The following APOO variants were observed in gnomAD, a reference collection of about 807,000 sequenced individuals.
APOO encodes MICOS complex subunit MIC26.
In APOO, 11 loss-of-function variants were observed where a neutral mutation model predicts 23.1. That is an observed-to-expected ratio of 0.48 (90% CI 0.30 to 0.79). The LOEUF (loss-of-function observed/expected upper bound fraction) is 0.79. APOO is among the 30% of genes least tolerant of loss of function. APOO has a pLI of 0.07. For synonymous variants in APOO, 59 were observed against 54.8 expected (o/e 1.08, Z -0.34); for missense variants, 160 against 142.7 (o/e 1.12, Z -0.62).
At position 23,907,758 on chromosome X, in the gene APOO, T is replaced by C. The variant is rs770394482; in HGVS notation, c.-56A>G. The C allele has an allele frequency of 3.3e-5, 38 of 1,135,297 alleles. No homozygotes were observed. The highest frequency in any genetic ancestry group is 4.3e-5 in the Non-Finnish European group (37 of 856,476). The allele number at this position is 1,135,297 out of a possible 1,213,427, so 93.6% of individuals were successfully genotyped here. A position where few individuals can be genotyped will look rare whatever the true frequency, so the allele number is the denominator to read the frequency against. ...ACCCCGGCCTCGGCCACGCCCACTA[T>C]AGAGAGGTGACTACGGAGGCCCGGT... On this transcript the variant is annotated 5_prime_UTR_variant, in exon 1 of 9. Transcript: ENST00000379226.
intron 4 of APOO, among the ~76,000 whole-genome samples, chrX:23,869,948 T>A (rs1252291858): frequency 9.6e-6 from 1 of 104,086 alleles, no homozygotes; most frequent in Non-Finnish European, 2.0e-5. Context: ...CGAGACTCCT[T>A]CTCAAAAAAA....
intron 7 of APOO, among the ~76,000 whole-genome samples, chrX:23,851,123 T>C (rs1924514620): frequency 1.8e-5 from 2 of 110,885 alleles, no homozygotes; most frequent in Non-Finnish European, 3.8e-5. Context: ...GAAATAAAAT[T>C]CCAGATAATG....
chrX:23,864,626 C>T (rs1027865619), intron 5 of APOO, among the ~76,000 whole-genome samples: 13 of 111,967 alleles, frequency 1.2e-4, no homozygotes, highest in African/African-American at 1.6e-4. Context: ...AATCCTTAAA[C>T]GGTTCTAATC....
chrX:23,836,143 T>G (rs1923654118), intron 8 of APOO, among the ~76,000 whole-genome samples: 1 of 112,173 alleles, frequency 8.9e-6, no homozygotes, highest in African/African-American at 3.2e-5. Flanking sequence ...ATTTCTTTCT[T>G]TCTTTGAGAC....
chrX:23,877,140 A>C (rs763804831), intron 3 of APOO, among the ~76,000 whole-genome samples: 26 of 109,432 alleles, frequency 2.4e-4, no homozygotes, highest in East Asian at 2.2e-3. Flanking sequence ...AAAAAACCAA[A>C]CAAACAAACA....
At position 23,863,331 on chromosome X, in the gene APOO, G is replaced by A. The variant is rs891667924; in HGVS notation, c.389-4598C>T. On this transcript the variant is annotated intron_variant, in intron 5 of 8. Coordinates refer to ENST00000379226, the MANE Select transcript of APOO (RefSeq NM_024122.5). ...AGCCTGGGTGACAGAGTGAGACTCC[G>A]TCTCAAAAAAAAAGAAAAGACTTCT... 1.9e-4 allele frequency among the ~76,000 whole-genome samples: 21 copies of A among 110,828 alleles called. No individual in the cohort carries two copies. In the South Asian group the frequency reaches 2.2e-3, roughly 12 times the overall value.
chrX:23,906,605 A>G (rs1409783914), intron 1 of APOO, among the ~76,000 whole-genome samples: 1 of 113,020 alleles, frequency 8.8e-6, no homozygotes, highest in Admixed American at 9.4e-5. Context: ...TAACACACAA[A>G]TTTATCAAAT....
chrX:23,852,217 C>T (rs1924570732), intron 7 of APOO, among the ~76,000 whole-genome samples: 1 of 111,264 alleles, frequency 9.0e-6, no homozygotes, highest in Non-Finnish European at 1.9e-5. Context: ...AGCCACCACA[C>T]CTGGCCAGCA....
chrX:23,892,346 T>G (rs1926699370), intron 1 of APOO, among the ~76,000 whole-genome samples: 1 of 108,272 alleles, frequency 9.2e-6, no homozygotes, highest in Non-Finnish European at 1.9e-5. Flanking sequence ...CCGCCGTCTC[T>G]CGGATTCAAG....
At chrX:23,839,380 C>G (rs187783786) in intron 8 of APOO, among the ~76,000 whole-genome samples, 136 of 111,547 alleles carry the variant, frequency 1.2e-3, no homozygotes, top group African/African-American at 4.1e-3. Flanking sequence ...TCAGGGGAGT[C>G]TGCTTGAGGC....
At chrX:23,872,919 C>T (rs141446719) in intron 4 of APOO, among the ~76,000 whole-genome samples, 4 of 109,401 alleles carry the variant, frequency 3.7e-5, no homozygotes, top group South Asian at 3.9e-4. Flanking sequence ...GGTGTGGTGG[C>T]GTGTGCCTGC....
chrX:23,887,913 G>A (rs761882526), intron 1 of APOO, among the ~76,000 whole-genome samples: 1 of 111,622 alleles, frequency 9.0e-6, no homozygotes, highest in South Asian at 3.7e-4. Context: ...CTCAAAGTAA[G>A]GACTCTAATG....
intron 8 of APOO, among the ~76,000 whole-genome samples, chrX:23,834,289 G>A (rs868581879): frequency 1.7e-4 from 18 of 106,109 alleles, no homozygotes; most frequent in African/African-American, 4.5e-4. Flanking sequence ...CCAGCTAATC[G>A]GGAGGCTGAG....
At chrX:23,854,326 A>G (rs901063883) in intron 7 of APOO, among the ~76,000 whole-genome samples, 1 of 111,862 alleles carries the variant, frequency 8.9e-6, no homozygotes, top group East Asian at 2.8e-4. Flanking sequence ...CAGACACCAC[A>G]GTGAGCACTC....
At chrX:23,841,070 A>C (rs1429856477) in intron 7 of APOO, among the ~76,000 whole-genome samples, 1 of 112,150 alleles carries the variant, frequency 8.9e-6, no homozygotes, top group Non-Finnish European at 1.9e-5. Flanking sequence ...ATAGTCAGAG[A>C]TCAGATGGCA....
chrX:23,907,805 G>T lies in APOO; in HGVS notation c.-103C>A, dbSNP rs1927442446. ...CGGTAGGGCCTTGATTTCTCCAACC[G>T]CAAGCAGGCAGCGGTGCGGGTGACG... On this transcript the variant is annotated 5_prime_UTR_variant, in exon 1 of 9. Coordinates refer to ENST00000379226, the MANE Select transcript of APOO (RefSeq NM_024122.5). 1 of 963,706 alleles carries T rather than the reference G, an allele frequency of 1.0e-6. No homozygotes were observed. The highest frequency in any genetic ancestry group is 1.4e-6 in the Non-Finnish European group (1 of 717,953). 79.4% of individuals were successfully genotyped at this position (963,706 alleles called of 1,213,427 possible). A position where few individuals can be genotyped will look rare whatever the true frequency, so the allele number is the denominator to read the frequency against.
At chrX:23,903,694 C>T (rs777846115) in intron 1 of APOO, among the ~76,000 whole-genome samples, 3 of 111,865 alleles carry the variant, frequency 2.7e-5, no homozygotes, top group Non-Finnish European at 5.6e-5. Context: ...TAAAGAACAA[C>T]CCCATTTTCA....
At chrX:23,854,337 C>T (rs1288276652) in intron 7 of APOO, among the ~76,000 whole-genome samples, 1 of 111,571 alleles carries the variant, frequency 9.0e-6, no homozygotes, top group African/African-American at 3.3e-5. Flanking sequence ...GTGAGCACTC[C>T]GGGGAGCCTG....
chrX:23,839,665 C>G (rs1923878066), intron 8 of APOO, among the ~76,000 whole-genome samples: 1 of 111,908 alleles, frequency 8.9e-6, no homozygotes, highest in African/African-American at 3.2e-5. Flanking sequence ...AAGATACACA[C>G]TTTCTGTCGT....
Sources: allele counts gnomAD v4.1 joint callset (sites outside exome capture counted in the v4.1 genomes callset), GRCh38; gene constraint gnomAD v4.1.1; transcripts MANE v1.5; gene names NCBI Gene and HGNC (gene_info 2026-07-23, HGNC 2026-07-21).